WWOX: variants seen among roughly 807,000 people sequenced by gnomAD.
WWOX encodes the protein WW domain-containing oxidoreductase.
Under a neutral mutation model 46.2 loss-of-function variants are expected in WWOX, and 69 were observed. That is an observed-to-expected ratio of 1.49 (90% CI 1.23 to 1.82). WWOX has a LOEUF of 1.82. Among genes scored for constraint, WWOX ranks in the 40% most tolerant of loss-of-function variants. The probability of loss-of-function intolerance (pLI) is 0.00; values close to 1 mark genes in which losing one functional copy is unlikely to be tolerated. For missense variants in WWOX, 919 were observed against 542.6 expected, an observed-to-expected ratio of 1.69 and a Z score of -6.89; for synonymous variants, 359 against 202.6, an observed-to-expected ratio of 1.77 and a Z score of -6.56.
chr16:79,194,298 T>A (rs1041294638), intron 8 of WWOX, among the ~76,000 whole-genome samples: 4 of 152,176 alleles, frequency 2.6e-5, no homozygotes, highest in Non-Finnish European at 5.9e-5. Flanking sequence ...CAAAGGAAAT[T>A]TGAGCATTCA....
At position 78,911,049 on chromosome 16, in the gene WWOX, G is replaced by T. The variant is rs375366537; in HGVS notation, c.1057-300559G>T. On this transcript the variant is annotated intron_variant, in intron 8 of 8. Coordinates refer to ENST00000566780, the MANE Select transcript of WWOX (RefSeq NM_016373.4). Reference sequence around the variant, plus strand: ...TTAAAAAATGGCTTTCCCACAGCCTGTCGACTTCCATCCCCATGTGTGGCT... The same window carrying T: ...TTAAAAAATGGCTTTCCCACAGCCTTTCGACTTCCATCCCCATGTGTGGCT... Among the ~76,000 whole-genome samples, 9 of 151,484 alleles carry T rather than the reference G, an allele frequency of 5.9e-5. No homozygotes were observed. The South Asian group carries it at 1.5e-3, about 24-fold the overall frequency.
intron 8 of WWOX, among the ~76,000 whole-genome samples, chr16:78,608,590 C>T (rs76690356): frequency 6.6e-6 from 1 of 152,170 alleles, no homozygotes; most frequent in Non-Finnish European, 1.5e-5. Flanking sequence ...GTTCGTCAGA[C>T]TTCTGCAGAC....
chr16:78,369,076 A>G (rs1215964455), intron 5 of WWOX, among the ~76,000 whole-genome samples: 2 of 143,930 alleles, frequency 1.4e-5, no homozygotes, highest in Non-Finnish European at 1.5e-5. Context: ...TTTTTTAACT[A>G]TTCTTCTTTA....
At chr16:78,148,112 CT>C (rs2034271085) in intron 4 of WWOX, among the ~76,000 whole-genome samples, 1 of 152,154 alleles carries the variant, frequency 6.6e-6, no homozygotes, top group Non-Finnish European at 1.5e-5. Context: ...ATATAGTGTG[CT>C]TACAAATTCA....
intron 8 of WWOX, among the ~76,000 whole-genome samples, chr16:78,453,948 T>C (rs1465568474): frequency 6.6e-6 from 1 of 152,204 alleles, no homozygotes; most frequent in Non-Finnish European, 1.5e-5. Flanking sequence ...CAAGTCCAAC[T>C]TGTAGATTGG....
At chr16:79,205,164 C>G (rs1178204659) in intron 8 of WWOX, 2 of 152,240 alleles carry the variant, frequency 1.3e-5, no homozygotes, top group African/African-American at 4.8e-5. Context: ...GCACTCTTCC[C>G]CCTGCATGCG....
chr16:78,335,743 A>C (rs1462813124), intron 5 of WWOX, among the ~76,000 whole-genome samples: 1 of 152,168 alleles, frequency 6.6e-6, no homozygotes, highest in Non-Finnish European at 1.5e-5. Context: ...AGACAGACTC[A>C]TGTTCGTGTG....
chr16:78,746,838 T>C (rs978945068), intron 8 of WWOX, among the ~76,000 whole-genome samples: 3 of 152,056 alleles, frequency 2.0e-5, no homozygotes, highest in African/African-American at 7.2e-5. Context: ...GTGAGGAAAA[T>C]AAATATTTGA....
chr16:78,933,704 A>G (rs758370404), intron 8 of WWOX, among the ~76,000 whole-genome samples: 2 of 152,160 alleles, frequency 1.3e-5, no homozygotes, highest in Non-Finnish European at 2.9e-5. Context: ...GAGCTTGTGT[A>G]GGGAAACTCC....
intron 8 of WWOX, among the ~76,000 whole-genome samples, chr16:78,956,570 T>C (rs554650007): frequency 6.6e-6 from 1 of 152,354 alleles, no homozygotes; most frequent in East Asian, 1.9e-4. Flanking sequence ...AGACATGGAA[T>C]GACATGTATC....
At chr16:78,289,867 A>G (rs2079831312) in intron 5 of WWOX, among the ~76,000 whole-genome samples, 1 of 136,166 alleles carries the variant, frequency 7.3e-6, no homozygotes, top group African/African-American at 2.8e-5. Flanking sequence ...ACTGGCCTAC[A>G]GTGTCAGTAC....
chr16:78,474,617 A>G (rs887541018), intron 8 of WWOX, among the ~76,000 whole-genome samples: 1 of 152,152 alleles, frequency 6.6e-6, no homozygotes, highest in Non-Finnish European at 1.5e-5. Flanking sequence ...CAATTCATGC[A>G]TTTAAAGTGT....
intron 8 of WWOX, among the ~76,000 whole-genome samples, chr16:78,824,455 C>G (rs56343403): frequency 1.3e-5 from 2 of 152,104 alleles, no homozygotes; most frequent in Non-Finnish European, 2.9e-5. Flanking sequence ...AGATACTTTC[C>G]TAGGTGCTGG....
intron 8 of WWOX, chr16:78,825,569 G>A: frequency 1.9e-6 from 1 of 533,530 alleles, no homozygotes. Context: ...AGGTCTGTGT[G>A]CCATTGCCCA....
intron 8 of WWOX, among the ~76,000 whole-genome samples, chr16:79,087,312 C>A (rs1240380149): frequency 6.6e-6 from 1 of 152,194 alleles, no homozygotes; most frequent in East Asian, 1.9e-4. Flanking sequence ...TTGGTTCTTC[C>A]TGTGTTGAGC....
chr16:78,701,054 G>C (rs1380218421), intron 8 of WWOX, among the ~76,000 whole-genome samples: 3 of 152,090 alleles, frequency 2.0e-5, no homozygotes, highest in African/African-American at 4.8e-5. Context: ...TCTTGGGCAC[G>C]TTTTTCAACC....
rs148065524 is a variant in WWOX at position 78,764,337 on chromosome 16, T to C, written c.1056+331585T>C. On this transcript the variant is annotated intron_variant, in intron 8 of 8. Coordinates refer to ENST00000566780, the MANE Select transcript of WWOX (RefSeq NM_016373.4). ...GGTCAGCATTGCAGAACCTGGCAAG[T>C]CCTAATTCCCTGTGAGCTTGACACA... Among the ~76,000 whole-genome samples, 538 of 151,678 alleles carry C rather than the reference T, an allele frequency of 3.5e-3. 5 individuals carry two copies. Among genetic ancestry groups the C allele is most frequent in the Middle Eastern group, 0.017 (5 of 294 alleles).
At chr16:79,047,013 C>T (rs555174348) in intron 8 of WWOX, among the ~76,000 whole-genome samples, 1 of 152,168 alleles carries the variant, frequency 6.6e-6, no homozygotes, top group African/African-American at 2.4e-5. Flanking sequence ...AGCAACTGAC[C>T]TTTTATCAGA....
chr16:78,240,786 G>A (rs1597391081), intron 5 of WWOX, among the ~76,000 whole-genome samples: 1 of 152,162 alleles, frequency 6.6e-6, no homozygotes, highest in African/African-American at 2.4e-5. Flanking sequence ...AGGTATTGCA[G>A]GTGCAAGGAT....
Sources: gnomAD v4.1 joint callset for allele counts (sites outside exome capture counted in the v4.1 genomes callset) on GRCh38, gnomAD v4.1.1 for gene constraint, MANE v1.5 for transcripts, NCBI Gene and HGNC (gene_info 2026-07-23, HGNC 2026-07-21) for gene names.